Variants in PCDHGA3 observed in about 807,000 individuals in gnomAD.
The protein encoded by PCDHGA3 is protocadherin gamma subfamily A, 3.
A neutral mutation model predicts 58.5 loss-of-function variants in PCDHGA3; 40 were observed. The observed-to-expected ratio is 0.68, with a 90% CI of 0.53 to 0.89. The LOEUF (loss-of-function observed/expected upper bound fraction) is 0.89. Among genes scored for constraint, PCDHGA3 ranks in the 40% least tolerant of loss-of-function variants. The pLI is 0.00. For missense variants in PCDHGA3, 1,223 were observed against 1,195.9 expected (o/e 1.02, Z -0.33); for synonymous variants, 530 against 525.7 (o/e 1.01, Z -0.11).
intron 1 of PCDHGA3, chr5:141,398,251 C>G (rs753114593): frequency 6.8e-7 from 1 of 1,464,006 alleles, no homozygotes; most frequent in East Asian, 2.5e-5. Flanking sequence ...CGAGGAAATG[C>G]CCAAGGGCTC....
At chr5:141,351,030 C>G (rs1561499070) in intron 1 of PCDHGA3, 1 of 1,614,068 alleles carries the variant, frequency 6.2e-7, no homozygotes, top group Non-Finnish European at 8.5e-7. Context: ...TGGGGAACCT[C>G]CGTGCTGCGG....
rs756971733 is a variant in PCDHGA3 at position 141,375,686 on chromosome 5, A to G, written c.2424+29229A>G. On this transcript the variant is annotated intron_variant, in intron 1 of 3. Coordinates refer to ENST00000253812, the MANE Select transcript of PCDHGA3 (RefSeq NM_018916.4). Reference sequence around the variant, plus strand: ...AGACCTACAGCTGTGGGTGACAGCCAGCGACAGCGGGGACCCGCCTCTTAG... The same window carrying G: ...AGACCTACAGCTGTGGGTGACAGCCGGCGACAGCGGGGACCCGCCTCTTAG... 1.9e-6 allele frequency: 3 copies of G among 1,614,122 alleles called. No individual in the cohort carries two copies. Among genetic ancestry groups the G allele is most frequent in the East Asian group, 2.2e-5 (1 of 44,894 alleles).
intron 1 of PCDHGA3, chr5:141,365,543 T>G: frequency 6.2e-7 from 1 of 1,613,830 alleles, no homozygotes; most frequent in Non-Finnish European, 8.5e-7. Context: ...CTATCACCTA[T>G]TAACAACTAG....
intron 1 of PCDHGA3, chr5:141,413,097 C>T (rs531228946): frequency 1.4e-6 from 2 of 1,447,922 alleles, no homozygotes; most frequent in African/African-American, 1.4e-5. Flanking sequence ...CACCCTGAAG[C>T]CACAGAAAGA....
intron 1 of PCDHGA3, chr5:141,384,978 G>C (rs1394445835): frequency 6.2e-7 from 1 of 1,614,032 alleles, no homozygotes; most frequent in Non-Finnish European, 8.5e-7. Context: ...CGTTGTACCT[G>C]GTGGTGGCGG....
At chr5:141,488,331 T>C (rs535498873) in intron 1 of PCDHGA3, among the ~76,000 whole-genome samples, 22 of 152,218 alleles carry the variant, frequency 1.4e-4, no homozygotes, top group Non-Finnish European at 3.1e-4. Context: ...TACAGTTGGC[T>C]GATTCATAGA....
chr5:141,358,696 T>C (rs1009340970), intron 1 of PCDHGA3, among the ~76,000 whole-genome samples: 8 of 152,236 alleles, frequency 5.3e-5, no homozygotes, highest in African/African-American at 1.9e-4. Context: ...GACATCACTA[T>C]TGAGACTTTC....
chr5:141,503,214 T>C (rs994291483), intron 2 of PCDHGA3, among the ~76,000 whole-genome samples: 7 of 152,096 alleles, frequency 4.6e-5, no homozygotes, highest in African/African-American at 1.7e-4. Flanking sequence ...GTGCCCACCA[T>C]GAGCACCGTA....
In PCDHGA3 at chr5:141,383,030, T is replaced by C. The variant is rs756178371; in HGVS notation, c.2424+36573T>C. 2 of 1,613,742 alleles carry C rather than the reference T, an allele frequency of 1.2e-6. No individual in the cohort carries two copies. Among genetic ancestry groups the C allele is most frequent in the Non-Finnish European group, 1.7e-6 (2 of 1,179,874 alleles). ...TCGGAGGAGACGGACAAAGGGTCCT[T>C]TGTGGGAGACATCGCCAAGGACCTG... On this transcript the variant is annotated intron_variant, in intron 1 of 3. Coordinates refer to ENST00000253812, the MANE Select transcript of PCDHGA3 (RefSeq NM_018916.4).
chr5:141,477,002 G>A lies in PCDHGA3; in HGVS notation c.2425-17805G>A, dbSNP rs770390597. On this transcript the variant is annotated intron_variant, in intron 1 of 3. Coordinates refer to ENST00000253812, the MANE Select transcript of PCDHGA3 (RefSeq NM_018916.4). The surrounding 1 kb of genome is among the most constrained non-coding windows in gnomAD (Gnocchi z 4.9). ...CCGCGCCGGCGTGCGGCAACTATTC[G>A]CCTTAGACCTTGTAACCGGGATGCT... 6.2e-7 allele frequency: 1 copy of A among 1,614,102 alleles called. No homozygotes were observed. The highest frequency in any genetic ancestry group is 1.3e-5 in the African/African-American group (1 of 74,952).
chr5:141,476,754 T>G lies in PCDHGA3; in HGVS notation c.2425-18053T>G. 1 of 1,613,926 alleles carries G rather than the reference T, an allele frequency of 6.2e-7. No individual in the cohort carries two copies. The highest frequency in any genetic ancestry group is 1.1e-5 in the South Asian group (1 of 91,084). On this transcript the variant is annotated intron_variant, in intron 1 of 3. Coordinates refer to ENST00000253812, the MANE Select transcript of PCDHGA3 (RefSeq NM_018916.4). The surrounding 1 kb of genome is among the most constrained non-coding windows in gnomAD (Gnocchi z 7.6). Reference sequence around the variant, plus strand: ...GAACGGGAGCCTAGTCTCCAGTTAGTGCTGACGGCGTTGGACGGAGGGACC... The same window carrying G: ...GAACGGGAGCCTAGTCTCCAGTTAGGGCTGACGGCGTTGGACGGAGGGACC...
chr5:141,362,593 A>T, intron 1 of PCDHGA3: 1 of 1,589,406 alleles, frequency 6.3e-7, no homozygotes, highest in South Asian at 1.1e-5. Flanking sequence ...TTCTGGTTTT[A>T]TTGTTTCACC....
intron 1 of PCDHGA3, chr5:141,415,752 T>TG: frequency 1.6e-5 from 22 of 1,372,540 alleles, no homozygotes; most frequent in Middle Eastern, 2.6e-4. Flanking sequence ...TTTTTTTTTT[T>TG]TTTTTTTTTT....
intron 1 of PCDHGA3, among the ~76,000 whole-genome samples, chr5:141,468,994 T>C (rs2099188173): frequency 6.7e-6 from 1 of 148,824 alleles, no homozygotes; most frequent in Non-Finnish European, 1.5e-5. Context: ...ATTATTGTTT[T>C]TGCTGGGTGC....
Position 141,486,253 on chromosome 5 carries a change from C to A in PCDHGA3, c.2425-8554C>A. The A allele has an allele frequency of 6.2e-7, 1 of 1,614,138 alleles. No individual in the cohort carries two copies. Among genetic ancestry groups the A allele is most frequent in the Non-Finnish European group, 8.5e-7 (1 of 1,180,006 alleles). On this transcript the variant is annotated intron_variant, in intron 1 of 3. Transcript: ENST00000253812. This position sits in a 1 kb window ranked among gnomAD's most constrained non-coding sequence, Gnocchi z 5.0. ...TGACCTCAGAGCTTGGAACCCTCCC[C>A]GAGAGTGCAGAACCTGGCACTGTGG...
chr5:141,413,760 C>G (rs778067298), intron 1 of PCDHGA3: 2 of 1,613,250 alleles, frequency 1.2e-6, no homozygotes, highest in African/African-American at 2.7e-5. Context: ...GCGTCAAGTA[C>G]CCGGAGCTGG....
In PCDHGA3 at chr5:141,492,559, C is replaced by A. The variant is rs533830391; in HGVS notation, c.2425-2248C>A. ...GGGCTGGGCCGGGTCGCCTGGGGGG[C>A]GGCCTGAGCGAGGCGCGGGGCCAGG... On this transcript the variant is annotated intron_variant, in intron 1 of 3. Coordinates refer to ENST00000253812, the MANE Select transcript of PCDHGA3 (RefSeq NM_018916.4). 2.6e-5 allele frequency among the ~76,000 whole-genome samples: 4 copies of A among 152,292 alleles called. No individual in the cohort carries two copies. The East Asian group carries it at 7.7e-4, about 29-fold the overall frequency.
intron 1 of PCDHGA3, chr5:141,371,927 C>T (rs750914672): frequency 1.9e-6 from 3 of 1,613,208 alleles, no homozygotes. Context: ...GCGCGCGGAG[C>T]GGGGTGGTGT....
rs201885897 is a variant in PCDHGA3 at position 141,346,068 on chromosome 5, G to C, written c.2035G>C (p.Glu679Gln). Reference protein sequence around the residue: ...PDILADLGSLEPSAKPNDSDL... With the variant: ...PDILADLGSLQPSAKPNDSDL... Reference sequence around the variant, plus strand: ...CATCCTGGCCGACCTGGGCAGCCTCGAGCCCTCCGCCAAACCCAACGATTC... The same window carrying C: ...CATCCTGGCCGACCTGGGCAGCCTCCAGCCCTCCGCCAAACCCAACGATTC... The change falls in exon 1 of 4, where the codon GAG becomes CAG. Residue 679 changes from glutamate (E) to glutamine (Q), a missense_variant. Around this residue, in one of 3 missense-constraint regions of PCDHGA3, gnomAD observed 107 missense variants for 159.8 expected, o/e 0.67. Transcript: ENST00000253812. 2 of 1,613,588 alleles carry C rather than the reference G, an allele frequency of 1.2e-6. No individual in the cohort carries two copies. Among genetic ancestry groups the C allele is most frequent in the East Asian group, 4.5e-5 (2 of 44,856 alleles).
Sources: gnomAD v4.1 joint callset for allele counts (sites outside exome capture counted in the v4.1 genomes callset) on GRCh38, gnomAD v4.1.1 for gene constraint, gnomAD v4.1.1 regional missense constraint, Gnocchi (gnomAD v3.1) non-coding constraint, MANE v1.5 for transcripts, NCBI Gene and HGNC (gene_info 2026-07-23, HGNC 2026-07-21) for gene names.